The following CAST variants were observed in gnomAD, a reference collection of about 807,000 sequenced individuals.
CAST encodes MIR583 host.
CAST carries 76 observed loss-of-function variants against 119.6 expected under a neutral mutation model. That is an observed-to-expected ratio of 0.64 (90% CI 0.53 to 0.77). The LOEUF (loss-of-function observed/expected upper bound fraction) is 0.77. Among genes scored for constraint, CAST ranks in the 30% least tolerant of loss-of-function variants. The probability of loss-of-function intolerance (pLI) is 0.00; values close to 1 mark genes in which losing one functional copy is unlikely to be tolerated. For missense variants in CAST, 953 were observed against 946.5 expected (o/e 1.01, Z -0.09); for synonymous variants, 319 against 331.6 (o/e 0.96, Z 0.41).
At chr5:96,504,458 A>G in the CAST span, among the ~76,000 whole-genome samples, 1 of 152,098 alleles carries the variant, frequency 6.6e-6, no homozygotes, top group African/African-American at 2.4e-5. Context: ...AGCAAATATT[A>G]ATTTCCTCAT....
chr5:96,493,595 G>A, the CAST span, among the ~76,000 whole-genome samples: 1 of 152,192 alleles, frequency 6.6e-6, no homozygotes, highest in Non-Finnish European at 1.5e-5. Flanking sequence ...GAGACTCCAG[G>A]CTTGAATCTC....
chr5:96,379,775 A>G, the CAST span: 2 of 152,330 alleles, frequency 1.3e-5, no homozygotes, highest in East Asian at 3.9e-4. Context: ...TCTATAGCAT[A>G]AGTTCATTTC....
the CAST span, among the ~76,000 whole-genome samples, chr5:96,313,246 C>A: frequency 6.6e-6 from 1 of 151,972 alleles, no homozygotes; most frequent in East Asian, 1.9e-4. Flanking sequence ...GTGTACAATT[C>A]AATGAATTTT....
At chr5:96,567,687 T>G (rs936017678) in intron 1 of CAST, among the ~76,000 whole-genome samples, 3 of 152,194 alleles carry the variant, frequency 2.0e-5, no homozygotes, top group Non-Finnish European at 2.9e-5. Context: ...TTTTCTTCTT[T>G]TCATGTATAG....
chr5:96,726,383 A>T (rs1640554986), intron 4 of CAST, among the ~76,000 whole-genome samples: 1 of 152,196 alleles, frequency 6.6e-6, no homozygotes. Context: ...CCCAGTAAAA[A>T]TCCATGCACT....
chr5:96,137,185 A>G, the CAST span, among the ~76,000 whole-genome samples: 1 of 152,172 alleles, frequency 6.6e-6, no homozygotes, highest in Non-Finnish European at 1.5e-5. Flanking sequence ...CTTCAGTTGT[A>G]TGAGCCCCCT....
chr5:96,683,564 G>A (rs1751702596), intron 2 of CAST, among the ~76,000 whole-genome samples: 1 of 152,086 alleles, frequency 6.6e-6, no homozygotes, highest in Non-Finnish European at 1.5e-5. Flanking sequence ...TAACAGAGGG[G>A]CAGGAGGATT....
chr5:96,521,444 C>T (rs371793122), upstream of CAST, among the ~76,000 whole-genome samples: 9 of 152,270 alleles, frequency 5.9e-5, no homozygotes, highest in Non-Finnish European at 8.8e-5. Context: ...CATAGTTTCT[C>T]GAGGCCTAGT....
At chr5:96,029,853 C>T in the CAST span, among the ~76,000 whole-genome samples, 9 of 152,196 alleles carry the variant, frequency 5.9e-5, no homozygotes, top group South Asian at 1.9e-3. Flanking sequence ...CACTTCTGAA[C>T]TAAGTATTGC....
the CAST span, among the ~76,000 whole-genome samples, chr5:96,419,414 CCTCTCTCT>C: frequency 2.3e-5 from 3 of 129,124 alleles, no homozygotes; most frequent in Admixed American, 7.7e-5. Context: ...TCACTTAATA[CCTCTCTCT>C]CTCTCTCTCT....
intron 1 of CAST, among the ~76,000 whole-genome samples, chr5:96,637,906 A>C (rs1747904643): frequency 6.6e-6 from 1 of 152,222 alleles, no homozygotes; most frequent in African/African-American, 2.4e-5. Flanking sequence ...AAGAAGTGTG[A>C]CTGGGCTTTG....
chr5:96,679,908 C>T (rs1751148296), intron 2 of CAST, among the ~76,000 whole-genome samples: 1 of 151,944 alleles, frequency 6.6e-6, no homozygotes, highest in Non-Finnish European at 1.5e-5. Flanking sequence ...AACTACTGCT[C>T]TAAACTTGTG....
the CAST span, among the ~76,000 whole-genome samples, chr5:96,210,588 A>G: frequency 6.6e-6 from 1 of 152,010 alleles, no homozygotes. Context: ...TTTGATTACT[A>G]TAGCTACATA....
At chr5:96,495,161 T>C in the CAST span, among the ~76,000 whole-genome samples, 1 of 151,076 alleles carries the variant, frequency 6.6e-6, no homozygotes, top group Non-Finnish European at 1.5e-5. Context: ...GTTATCAATA[T>C]ATTGTAATCA....
the CAST span, among the ~76,000 whole-genome samples, chr5:96,489,590 T>C: frequency 6.6e-6 from 1 of 152,192 alleles, no homozygotes. Flanking sequence ...CTGGCTCATA[T>C]TGGATGTAAA....
At chr5:96,417,587 G>A in the CAST span, among the ~76,000 whole-genome samples, 1 of 152,004 alleles carries the variant, frequency 6.6e-6, no homozygotes, top group Non-Finnish European at 1.5e-5. Flanking sequence ...TGAAAGTGAA[G>A]CCAAGCAGAG....
At chr5:96,157,147 A>G in the CAST span, among the ~76,000 whole-genome samples, 11 of 152,306 alleles carry the variant, frequency 7.2e-5, no homozygotes, top group African/African-American at 2.4e-4. Flanking sequence ...ATTTAAAACA[A>G]TGTATTCCCT....
At chr5:96,242,195 T>G in the CAST span, among the ~76,000 whole-genome samples, 4 of 151,648 alleles carry the variant, frequency 2.6e-5, no homozygotes, top group Non-Finnish European at 4.4e-5. Context: ...TTTATGGTTT[T>G]AGGTCTAACG....
chr5:96,421,934 A>C, the CAST span: 2 of 1,575,966 alleles, frequency 1.3e-6, no homozygotes, highest in Middle Eastern at 1.7e-4. Context: ...ATTATCATTA[A>C]AATCATAGCT....
Sources: gnomAD v4.1 joint callset for allele counts (sites outside exome capture counted in the v4.1 genomes callset) on GRCh38, gnomAD v4.1.1 for gene constraint, MANE v1.5 for transcripts, NCBI Gene and HGNC (gene_info 2026-07-23, HGNC 2026-07-21) for gene names.